Variants in NHLRC2 observed in about 807,000 individuals in gnomAD.
NHLRC2 encodes the protein NHL repeat-containing protein 2.
In NHLRC2, 33 loss-of-function variants were observed where a neutral mutation model predicts 68.1. The observed-to-expected ratio is 0.48, with a 90% confidence interval of 0.37 to 0.65. The LOEUF is 0.65. NHLRC2 is among the 30% of genes least tolerant of loss of function. The probability of loss-of-function intolerance (pLI) is 0.00; values close to 1 mark genes in which losing one functional copy is unlikely to be tolerated. For synonymous variants in NHLRC2, 311 were observed against 309.6 expected (o/e 1.00, Z -0.05); for missense variants, 761 against 853.8 (o/e 0.89, Z 1.35).
rs1043430646 is a variant in NHLRC2 at position 113,909,516 on chromosome 10, A to G, written c.*980A>G. On this transcript the variant is annotated 3_prime_UTR_variant, in exon 11 of 11. Transcript: ENST00000369301. ...GATCATTTATTGTGATGTTTTTAAA[A>G]ATCACTTTTAAGCCTTAAAAGTGAA... 2 of 152,112 alleles carry G rather than the reference A, an allele frequency of 1.3e-5. No homozygotes were observed. Among genetic ancestry groups the G allele is most frequent in the African/African-American group, 4.8e-5 (2 of 41,440 alleles). The allele number at this position is 152,112 out of a possible 1,614,324, so 9.4% of individuals were successfully genotyped here.
intron 2 of NHLRC2, among the ~76,000 whole-genome samples, chr10:113,863,993 A>G (rs554094258): frequency 6.6e-6 from 1 of 152,346 alleles, no homozygotes; most frequent in Admixed American, 6.5e-5. Context: ...CTAAGTGTCC[A>G]TTGATGGATC....
At chr10:113,883,246 C>T (rs1002596881) in intron 4 of NHLRC2, among the ~76,000 whole-genome samples, 2 of 151,812 alleles carry the variant, frequency 1.3e-5, no homozygotes, top group Non-Finnish European at 3.0e-5. Context: ...AAAACAAATT[C>T]CCTTTTGATT....
chr10:113,876,051 A>G (rs1048391623), intron 2 of NHLRC2, among the ~76,000 whole-genome samples: 2 of 151,588 alleles, frequency 1.3e-5, no homozygotes, highest in Non-Finnish European at 1.5e-5. Flanking sequence ...CAAAAGCCTT[A>G]TATTATGGAA....
rs1846349451 is a variant in NHLRC2 at position 113,913,659 on chromosome 10, TGTTGTATTA to T, written c.*5124_*5132del. ...AAGCTATTCATATTTAAGAAAATTTTGTTGTATTAAATATTAGTCCAAGTGAGCTCTGGA... is the reference window on the plus strand; with the variant it reads ...AAGCTATTCATATTTAAGAAAATTTTAATATTAGTCCAAGTGAGCTCTGGA... On this transcript the variant is annotated 3_prime_UTR_variant, in exon 11 of 11. Transcript: ENST00000369301. The T allele has an allele frequency of 1.3e-5, 2 of 152,282 alleles. No homozygotes were observed. Among genetic ancestry groups the T allele is most frequent in the Admixed American group, 1.3e-4 (2 of 15,300 alleles). 9.4% of individuals were successfully genotyped at this position (152,282 alleles called of 1,614,324 possible).
chr10:113,903,021 T>C (rs1215041097), intron 8 of NHLRC2, among the ~76,000 whole-genome samples: 2 of 152,236 alleles, frequency 1.3e-5, no homozygotes, highest in African/African-American at 2.4e-5. Flanking sequence ...TTAAGTTTTA[T>C]TGCATTTTTA....
At chr10:113,904,698 T>C in intron 9 of NHLRC2, 119 bp from the exon 10 acceptor site, 1 of 713,582 alleles carries the variant, frequency 1.4e-6, no homozygotes, top group South Asian at 1.8e-5. Context: ...CAAACTAGAA[T>C]GGCGATTAGT....
At chr10:113,906,907 C>T (rs765451845) in intron 10 of NHLRC2, among the ~76,000 whole-genome samples, 3 of 152,100 alleles carry the variant, frequency 2.0e-5, no homozygotes, top group Non-Finnish European at 4.4e-5. Context: ...GGCGTGAACC[C>T]GGGAGGGAGG....
At chr10:113,884,694 A>G (rs940631023) in intron 5 of NHLRC2, among the ~76,000 whole-genome samples, 5 of 151,404 alleles carry the variant, frequency 3.3e-5, no homozygotes, top group African/African-American at 1.2e-4. Context: ...GGATTATAGT[A>G]TCAGAACTTC....
intron 5 of NHLRC2, among the ~76,000 whole-genome samples, chr10:113,889,457 G>C (rs764736615): frequency 2.6e-5 from 4 of 152,086 alleles, no homozygotes; most frequent in Non-Finnish European, 5.9e-5. Context: ...ATTTGATGCA[G>C]TATGACTAGT....
chr10:113,869,933 A>G (rs1205625007), intron 2 of NHLRC2, among the ~76,000 whole-genome samples: 1 of 152,048 alleles, frequency 6.6e-6, no homozygotes, highest in Non-Finnish European at 1.5e-5. Context: ...TCCTTACTAA[A>G]TACACCAAAA....
At chr10:113,892,928 C>T (rs1846145613) in intron 5 of NHLRC2, among the ~76,000 whole-genome samples, 1 of 152,156 alleles carries the variant, frequency 6.6e-6, no homozygotes, top group African/African-American at 2.4e-5. Flanking sequence ...GCACTTAGAA[C>T]AGTGTCTGGT....
chr10:113,883,843 G>T (rs956735736), intron 4 of NHLRC2, among the ~76,000 whole-genome samples: 6 of 151,920 alleles, frequency 3.9e-5, no homozygotes, highest in African/African-American at 1.2e-4. Context: ...TTGGATTAGT[G>T]CTTGGCACAT....
At chr10:113,877,035 G>T in intron 3 of NHLRC2, 59 bp downstream of exon 3, 1 of 996,650 alleles carries the variant, frequency 1.0e-6, no homozygotes, top group Non-Finnish European at 1.5e-6. Flanking sequence ...AATAGTTCAA[G>T]GTAAATATAA....
intron 6 of NHLRC2, among the ~76,000 whole-genome samples, chr10:113,901,073 C>T (rs893030703): frequency 1.8e-4 from 28 of 151,900 alleles, no homozygotes; most frequent in African/African-American, 5.3e-4. Flanking sequence ...TTTGTACAAT[C>T]GATATAATTG....
In NHLRC2 at chr10:113,916,115, T is replaced by G. The variant is rs543423818; in HGVS notation, c.*7579T>G. On this transcript the variant is annotated 3_prime_UTR_variant, in exon 11 of 11. Coordinates refer to ENST00000369301, the MANE Select transcript of NHLRC2 (RefSeq NM_198514.4). Reference sequence around the variant, plus strand: ...TTTTTAGAATTTGTAGTCACTGTTCTTAGTGCCACTGGAAATATATTCATT... The same window carrying G: ...TTTTTAGAATTTGTAGTCACTGTTCGTAGTGCCACTGGAAATATATTCATT... 4 of 152,338 alleles carry G rather than the reference T, an allele frequency of 2.6e-5. No homozygotes were observed. The highest frequency in any genetic ancestry group is 6.8e-3 in the Middle Eastern group (2 of 294). The allele number at this position is 152,338 out of a possible 1,614,324, so 9.4% of individuals were successfully genotyped here. A position where few individuals can be genotyped will look rare whatever the true frequency, so the allele number is the denominator to read the frequency against.
At chr10:113,888,779 C>A (rs989311533) in intron 5 of NHLRC2, among the ~76,000 whole-genome samples, 1 of 148,984 alleles carries the variant, frequency 6.7e-6, no homozygotes, top group African/African-American at 2.5e-5. Context: ...TACCAGACAA[C>A]AACCTGAAAG....
chr10:113,890,692 T>C (rs1846122856), intron 5 of NHLRC2, among the ~76,000 whole-genome samples: 1 of 152,222 alleles, frequency 6.6e-6, no homozygotes. Context: ...TTTGTACTAG[T>C]AATTTCTACC....
chr10:113,867,613 A>G (rs1845880757), intron 2 of NHLRC2, among the ~76,000 whole-genome samples: 1 of 152,190 alleles, frequency 6.6e-6, no homozygotes, highest in South Asian at 2.1e-4. Context: ...GTTCCTAAGT[A>G]TCATTGTTCC....
At chr10:113,872,885 A>G (rs1014450728) in intron 2 of NHLRC2, among the ~76,000 whole-genome samples, 2 of 152,186 alleles carry the variant, frequency 1.3e-5, no homozygotes, top group African/African-American at 2.4e-5. Flanking sequence ...GACTGGAACA[A>G]ATATCTAAAA....
Sources: gnomAD v4.1 joint callset for allele counts (sites outside exome capture counted in the v4.1 genomes callset) on GRCh38, gnomAD v4.1.1 for gene constraint, MANE v1.5 for transcripts, NCBI Gene and HGNC (gene_info 2026-07-23, HGNC 2026-07-21) for gene names.